TENM3: variants seen among roughly 807,000 people sequenced by gnomAD.
TENM3 encodes the protein teneurin-3.
TENM3 carries 63 observed loss-of-function variants against 255.1 expected under a neutral mutation model. The ratio of observed to expected loss-of-function variants is 0.25; its 90% confidence interval spans 0.20 to 0.30. The LOEUF (loss-of-function observed/expected upper bound fraction) is 0.30. Among genes scored for constraint, TENM3 ranks in the 10% least tolerant of loss-of-function variants. The probability of loss-of-function intolerance (pLI) is 1.00; values close to 1 mark genes in which losing one functional copy is unlikely to be tolerated. For missense variants in TENM3, 2,929 were observed against 3,461.1 expected (o/e 0.85, Z 3.86); for synonymous variants, 1,306 against 1,322.3 (o/e 0.99, Z 0.27).
chr4:181,946,404 T>G, the TENM3 span, among the ~76,000 whole-genome samples: 1 of 152,208 alleles, frequency 6.6e-6, no homozygotes, highest in Non-Finnish European at 1.5e-5. Flanking sequence ...TTTATCAGAA[T>G]CCACTCATCT....
the TENM3 span, among the ~76,000 whole-genome samples, chr4:181,553,260 A>AGTGTGTGTGTGT: frequency 8.5e-4 from 113 of 133,548 alleles, 1 homozygote; most frequent in African/African-American, 1.7e-3. Flanking sequence ...ATAGTCATTA[A>AGTGTGTGTGTGT]GTGTGTGTGT....
At chr4:182,454,700 A>G (rs1773731748) in intron 3 of TENM3, among the ~76,000 whole-genome samples, 1 of 152,176 alleles carries the variant, frequency 6.6e-6, no homozygotes, top group African/African-American at 2.4e-5. Context: ...TTTATAGTTT[A>G]TATTTCTTAA....
chr4:181,913,005 G>GT, the TENM3 span, among the ~76,000 whole-genome samples: 1 of 152,136 alleles, frequency 6.6e-6, no homozygotes, highest in Non-Finnish European at 1.5e-5. Flanking sequence ...CTCTAAAGCA[G>GT]TAACAGCACA....
intron 3 of TENM3, chr4:182,548,885 C>T (rs1383409000): frequency 1.3e-5 from 2 of 152,104 alleles, no homozygotes; most frequent in Non-Finnish European, 1.5e-5. Flanking sequence ...ATCCCCTCTT[C>T]CCACCCTTCC....
the TENM3 span, among the ~76,000 whole-genome samples, chr4:181,455,553 G>T: frequency 2.0e-5 from 3 of 151,978 alleles, no homozygotes; most frequent in Non-Finnish European, 4.4e-5. Context: ...AAGATATTGA[G>T]TCCAATAGGA....
At chr4:181,912,758 C>T in the TENM3 span, among the ~76,000 whole-genome samples, 1 of 130,582 alleles carries the variant, frequency 7.7e-6, no homozygotes. Context: ...GGCCACAAAG[C>T]AAGACTATCT....
At chr4:182,456,506 A>T (rs1223654818) in intron 3 of TENM3, among the ~76,000 whole-genome samples, 1 of 152,200 alleles carries the variant, frequency 6.6e-6, no homozygotes, top group Non-Finnish European at 1.5e-5. Flanking sequence ...TAATTTCCAC[A>T]ATGAAAAGAA....
chr4:181,809,962 G>A, the TENM3 span, among the ~76,000 whole-genome samples: 25 of 152,182 alleles, frequency 1.6e-4, no homozygotes, highest in African/African-American at 5.1e-4. Flanking sequence ...AGCTCATTTT[G>A]GACTTCTCAC....
chr4:181,802,069 C>T, the TENM3 span, among the ~76,000 whole-genome samples: 1 of 152,056 alleles, frequency 6.6e-6, no homozygotes, highest in East Asian at 1.9e-4. Context: ...GCTGATTTAC[C>T]ACCAGGATGG....
At chr4:182,263,149 A>G (rs768037295) in intron 1 of TENM3, among the ~76,000 whole-genome samples, 10 of 152,030 alleles carry the variant, frequency 6.6e-5, no homozygotes, top group Non-Finnish European at 1.2e-4. Context: ...GTAGTGCAGA[A>G]ACCCTGAGCC....
intron 1 of TENM3, among the ~76,000 whole-genome samples, chr4:182,321,128 C>T (rs1394830414): frequency 1.3e-5 from 2 of 151,954 alleles, no homozygotes; most frequent in Non-Finnish European, 2.9e-5. Flanking sequence ...TCTATAGGGC[C>T]CTCCCTCCAA....
chr4:182,540,704 T>C (rs1740787549), intron 3 of TENM3, among the ~76,000 whole-genome samples: 1 of 152,142 alleles, frequency 6.6e-6, no homozygotes, highest in South Asian at 2.1e-4. Context: ...ACCTACTTCA[T>C]GTCAAGAACT....
intron 2 of TENM3, among the ~76,000 whole-genome samples, chr4:182,328,802 C>T (rs1302298448): frequency 6.6e-6 from 1 of 152,112 alleles, no homozygotes; most frequent in African/African-American, 2.4e-5. Flanking sequence ...CTTCTCACCT[C>T]CTGCCCTTGC....
At chr4:181,673,260 T>C in the TENM3 span, among the ~76,000 whole-genome samples, 1 of 152,198 alleles carries the variant, frequency 6.6e-6, no homozygotes, top group East Asian at 1.9e-4. Flanking sequence ...AATGTGGATT[T>C]TTCCATGCCC....
the TENM3 span, among the ~76,000 whole-genome samples, chr4:182,058,974 G>GTGTGTGTGTGTT: frequency 6.6e-6 from 1 of 150,584 alleles, no homozygotes; most frequent in Non-Finnish European, 1.5e-5. Context: ...GTGTGTGTGT[G>GTGTGTGTGTGTT]TGTGTGTTTG....
At chr4:181,681,340 G>A in the TENM3 span, among the ~76,000 whole-genome samples, 1 of 151,740 alleles carries the variant, frequency 6.6e-6, no homozygotes, top group Admixed American at 6.6e-5. Flanking sequence ...TTCTTCCCTT[G>A]GAAAGAAACT....
At chr4:181,532,289 C>T in the TENM3 span, among the ~76,000 whole-genome samples, 1 of 152,120 alleles carries the variant, frequency 6.6e-6, no homozygotes, top group Non-Finnish European at 1.5e-5. Flanking sequence ...ACTTTTATCA[C>T]AGTTACAATG....
At chr4:182,572,181 C>T (rs542245728) in intron 3 of TENM3, among the ~76,000 whole-genome samples, 67 of 152,310 alleles carry the variant, frequency 4.4e-4, no homozygotes, top group African/African-American at 1.5e-3. Flanking sequence ...GGATTACAGG[C>T]GTGAGCCACT....
chr4:182,756,738 T>C (rs1003722505), intron 22 of TENM3, among the ~76,000 whole-genome samples: 2 of 152,240 alleles, frequency 1.3e-5, no homozygotes, highest in Admixed American at 1.3e-4. Context: ...CTTTTCTTTT[T>C]TGACAGATTC....
Sources: allele counts gnomAD v4.1 joint callset (sites outside exome capture counted in the v4.1 genomes callset), GRCh38; gene constraint gnomAD v4.1.1; transcripts MANE v1.5; gene names NCBI Gene and HGNC (gene_info 2026-07-23, HGNC 2026-07-21).